The following ITGBL1 variants were observed in gnomAD, a reference collection of about 807,000 sequenced individuals.
The protein encoded by ITGBL1 is integrin subunit beta like 1.
A neutral mutation model predicts 68.5 loss-of-function variants in ITGBL1; 51 were observed. The ratio of observed to expected loss-of-function variants is 0.74; its 90% CI spans 0.59 to 0.94. The LOEUF (loss-of-function observed/expected upper bound fraction) is 0.94. Ranked by LOEUF, ITGBL1 falls within the 40% of genes least tolerant of loss-of-function variation. ITGBL1 has a pLI of 0.00. For synonymous variants in ITGBL1, 209 were observed against 227.3 expected, an observed-to-expected ratio of 0.92 and a Z score of 0.72; for missense variants, 649 against 647.4, an observed-to-expected ratio of 1.00 and a Z score of -0.03.
intron 2 of ITGBL1, among the ~76,000 whole-genome samples, chr13:101,525,494 C>T (rs919141563): frequency 6.7e-6 from 1 of 149,632 alleles, no homozygotes; most frequent in African/African-American, 2.5e-5. Context: ...TTATTCTGGC[C>T]TTAGATTACT....
intron 7 of ITGBL1, among the ~76,000 whole-genome samples, chr13:101,607,775 G>T (rs1235569783): frequency 6.6e-6 from 1 of 152,006 alleles, no homozygotes; most frequent in Non-Finnish European, 1.5e-5. Context: ...AATGTATATT[G>T]CTGTTGGTGT....
chr13:101,678,015 A>G (rs1237208370), intron 7 of ITGBL1, among the ~76,000 whole-genome samples: 1 of 152,224 alleles, frequency 6.6e-6, no homozygotes, highest in Non-Finnish European at 1.5e-5. Context: ...CCATTTAACT[A>G]CATAAATTAT....
At chr13:101,693,624 G>GTCTGTCTGTCTATCTATCTA (rs71780453) in intron 8 of ITGBL1, among the ~76,000 whole-genome samples, 4 of 146,188 alleles carry the variant, frequency 2.7e-5, no homozygotes, top group East Asian at 2.1e-4. Flanking sequence ...CTGTCTGTCT[G>GTCTGTCTGTCTATCTATCTA]TCTATCTATC....
In ITGBL1 at chr13:101,714,549, C is replaced by T; in HGVS notation, c.1391C>T (p.Thr464Ile). 1 of 1,560,862 alleles carries T rather than the reference C, an allele frequency of 6.4e-7. No individual in the cohort carries two copies. The highest frequency in any genetic ancestry group is 8.8e-7 in the Non-Finnish European group (1 of 1,131,614). ...GACAAACATGATGGTCTCATTTGTA[C>T]AGGTGCAGTATTAACCTTTTCTAAT... Reference protein sequence around the residue: ...DCDKHDGLICTGNGICSCGNC... With the variant: ...DCDKHDGLICIGNGICSCGNC... The change falls in exon 10 of 11, where the codon ACA becomes ATA. Residue 464 changes from threonine to isoleucine, a missense_variant and splice_region_variant. Transcript: ENST00000376180.
At chr13:101,678,796 G>T (rs952204943) in intron 7 of ITGBL1, among the ~76,000 whole-genome samples, 6 of 152,034 alleles carry the variant, frequency 3.9e-5, no homozygotes, top group Admixed American at 1.3e-4. Flanking sequence ...CACTGTGCCC[G>T]GCCCACTTTT....
intron 2 of ITGBL1, among the ~76,000 whole-genome samples, chr13:101,504,936 A>G (rs1246277394): frequency 1.3e-5 from 2 of 152,210 alleles, no homozygotes; most frequent in Non-Finnish European, 2.9e-5. Context: ...TTGTACAATT[A>G]GGGATAATTC....
intron 7 of ITGBL1, among the ~76,000 whole-genome samples, chr13:101,622,507 C>T (rs1190744587): frequency 6.6e-6 from 1 of 152,072 alleles, no homozygotes; most frequent in Non-Finnish European, 1.5e-5. Context: ...TAAACCGGTG[C>T]GCACTTTTAG....
At chr13:101,481,043 T>C (rs2048613419) in intron 2 of ITGBL1, among the ~76,000 whole-genome samples, 1 of 147,880 alleles carries the variant, frequency 6.8e-6, no homozygotes, top group South Asian at 2.2e-4. Context: ...TGTGTACTCA[T>C]ATATGTGTAA....
chr13:101,516,585 C>G (rs1379283802), intron 2 of ITGBL1, among the ~76,000 whole-genome samples: 1 of 152,056 alleles, frequency 6.6e-6, no homozygotes, highest in Admixed American at 6.6e-5. Flanking sequence ...AAAAATGCAA[C>G]AACCAATTTT....
intron 7 of ITGBL1, among the ~76,000 whole-genome samples, chr13:101,652,684 A>G (rs2032788485): frequency 2.0e-5 from 3 of 152,170 alleles, no homozygotes; most frequent in Admixed American, 6.5e-5. Context: ...AAACCTATCA[A>G]CTTCTAGATG....
chr13:101,689,322 A>C (rs972862695), intron 7 of ITGBL1, among the ~76,000 whole-genome samples: 3 of 151,872 alleles, frequency 2.0e-5, no homozygotes, highest in Non-Finnish European at 4.4e-5. Context: ...GATTTGGTGA[A>C]GTTTTCCTTG....
chr13:101,453,858 T>G (rs1176718019), intron 1 of ITGBL1, 25 bp from the exon 2 acceptor site: 2 of 1,232,018 alleles, frequency 1.6e-6, no homozygotes, highest in East Asian at 3.3e-5. Context: ...TGACCCGGCC[T>G]GCCGGTTGCT....
chr13:101,590,617 A>G (rs1429613530), intron 6 of ITGBL1, among the ~76,000 whole-genome samples: 3 of 152,152 alleles, frequency 2.0e-5, no homozygotes, highest in Non-Finnish European at 2.9e-5. Context: ...TAAAGTGTCA[A>G]CAAGCAATGT....
chr13:101,685,867 G>A (rs968138368), intron 7 of ITGBL1, among the ~76,000 whole-genome samples: 8 of 151,860 alleles, frequency 5.3e-5, no homozygotes, highest in Non-Finnish European at 8.8e-5. Context: ...AGAAGAATTC[G>A]TAATCCAATA....
In ITGBL1 at chr13:101,706,610, A is replaced by G. The variant is rs2034268492; in HGVS notation, c.1133-146A>G. On this transcript the variant is annotated intron_variant, in intron 8 of 10. Transcript: ENST00000376180. ...ACTCTGTTGTAAGTTCTTTCAAACA[A>G]TTACATGCCAAATTGACTATGCATA... 1.5e-5 allele frequency: 11 copies of G among 748,126 alleles called. No homozygotes were observed. The South Asian group carries it at 2.4e-4, about 16-fold the overall frequency. The allele number at this position is 748,126 out of a possible 1,614,324, so 46.3% of individuals were successfully genotyped here. A position where few individuals can be genotyped will look rare whatever the true frequency, so the allele number is the denominator to read the frequency against.
intron 7 of ITGBL1, among the ~76,000 whole-genome samples, chr13:101,685,251 A>T (rs986944299): frequency 6.6e-6 from 1 of 152,010 alleles, no homozygotes; most frequent in Admixed American, 6.6e-5. Context: ...CTTCACTATG[A>T]CTTTATATGC....
chr13:101,678,993 G>A lies in ITGBL1; in HGVS notation c.1016-13592G>A, dbSNP rs145939566. Reference sequence around the variant, plus strand: ...TGCAGTGGTGTGATCTGCAACCTCCGACTCCCTGGATCAAGCGATTCTCCT... The same window carrying A: ...TGCAGTGGTGTGATCTGCAACCTCCAACTCCCTGGATCAAGCGATTCTCCT... On this transcript the variant is annotated intron_variant, in intron 7 of 10. Coordinates refer to ENST00000376180, the MANE Select transcript of ITGBL1 (RefSeq NM_004791.3). Among the ~76,000 whole-genome samples, 230 of 151,236 alleles carry A rather than the reference G, an allele frequency of 1.5e-3. 1 individual carries two copies. The highest frequency in any genetic ancestry group is 3.5e-3 in the Middle Eastern group (1 of 288).
chr13:101,577,942 T>G (rs1460580030), intron 4 of ITGBL1, among the ~76,000 whole-genome samples: 1 of 152,170 alleles, frequency 6.6e-6, no homozygotes, highest in African/African-American at 2.4e-5. Flanking sequence ...AAATGGTCAT[T>G]GATTTTTAGG....
intron 5 of ITGBL1, among the ~76,000 whole-genome samples, chr13:101,580,809 CAG>C (rs769088124): frequency 3.9e-5 from 6 of 152,264 alleles, no homozygotes; most frequent in Admixed American, 3.3e-4. Context: ...GGTTCTGCAG[CAG>C]AGTTACATTG....
Sources: gnomAD v4.1 joint callset for allele counts (sites outside exome capture counted in the v4.1 genomes callset) on GRCh38, gnomAD v4.1.1 for gene constraint, MANE v1.5 for transcripts, NCBI Gene and HGNC (gene_info 2026-07-23, HGNC 2026-07-21) for gene names.